CDK5RAP2: variants seen among roughly 807,000 people sequenced by gnomAD.
CDK5RAP2 encodes the protein CDK5 regulatory subunit associated protein 2.
A neutral mutation model predicts 232.9 loss-of-function variants in CDK5RAP2; 147 were observed. That is an observed-to-expected ratio of 0.63 (90% CI 0.55 to 0.72). The LOEUF (loss-of-function observed/expected upper bound fraction) is 0.72. Among genes scored for constraint, CDK5RAP2 ranks in the 30% least tolerant of loss-of-function variants. The probability of loss-of-function intolerance (pLI) is 0.00; values close to 1 mark genes in which losing one functional copy is unlikely to be tolerated. For missense variants in CDK5RAP2, 2,195 were observed against 2,231.5 expected (o/e 0.98, Z 0.33); for synonymous variants, 833 against 833.7 (o/e 1.00, Z 0.01).
At chr9:120,528,867 T>C in intron 8 of CDK5RAP2, 70 bp from the exon 9 acceptor site, 1 of 1,084,062 alleles carries the variant, frequency 9.2e-7, no homozygotes, top group Non-Finnish European at 1.4e-6. Flanking sequence ...ACAATTAGAA[T>C]GAGCACGTCC....
chr9:120,426,237 G>C (rs1447739099), intron 25 of CDK5RAP2, among the ~76,000 whole-genome samples: 1 of 152,226 alleles, frequency 6.6e-6, no homozygotes, highest in African/African-American at 2.4e-5. Context: ...CAGTTTTGGA[G>C]TTTATTTTGC....
In CDK5RAP2 at chr9:120,458,472, C is replaced by T; in HGVS notation, c.2353G>A (p.Ala785Thr). 2 of 1,614,156 alleles carry T rather than the reference C, an allele frequency of 1.2e-6. No individual in the cohort carries two copies. The highest frequency in any genetic ancestry group is 1.7e-6 in the Non-Finnish European group (2 of 1,180,016). ...NLLAPLFNEK[A>T]TLLLESRPDL... ...TACCTGGATTCCAGTAATAATGTGG[C>T]CTTCTCATTGAACAAAGGGGCAAGC... is the stretch of plus-strand genomic sequence containing the variant. The change falls in exon 20 of 38, where the codon GCC becomes ACC. Residue 785 changes from alanine to threonine, a missense_variant. Coordinates refer to ENST00000349780, the MANE Select transcript of CDK5RAP2 (RefSeq NM_018249.6).
rs749297817 is a variant in CDK5RAP2, at chr9:120,571,928, T to C, written c.127+46A>G. On this transcript the variant is annotated intron_variant, in intron 2 of 37. Transcript: ENST00000349780. ...AAGATGCTCACAGTCCAATGTCTAC[T>C]TTCCTTGTTCTTTACTCAAGAGAAT... is the stretch of plus-strand genomic sequence containing the variant. 4.7e-6 allele frequency: 7 copies of C among 1,477,196 alleles called. No individual in the cohort carries two copies. The Admixed American group carries it at 8.4e-5, about 18-fold the overall frequency. 91.5% of individuals were successfully genotyped at this position (1,477,196 alleles called of 1,614,324 possible).
At chr9:120,523,439 C>T (rs1376554953) in intron 11 of CDK5RAP2, among the ~76,000 whole-genome samples, 1 of 152,184 alleles carries the variant, frequency 6.6e-6, no homozygotes, top group Non-Finnish European at 1.5e-5. Context: ...AAAAGAGAAA[C>T]AGTCTAAAGT....
intron 20 of CDK5RAP2, among the ~76,000 whole-genome samples, chr9:120,457,983 T>G (rs999019289): frequency 6.6e-6 from 1 of 152,206 alleles, no homozygotes; most frequent in Non-Finnish European, 1.5e-5. Context: ...ATGTTTCTCC[T>G]TTTTTGTTTT....
At position 120,439,968 on chromosome 9, in the gene CDK5RAP2, A is replaced by G. The variant is rs988398993; in HGVS notation, c.3153T>C (p.Ser1051=). Residue 1051 remains serine, a synonymous_variant, in exon 24 of 38, where the codon TCT becomes TCC. Transcript: ENST00000349780. ...SDQQRSYEID[S]EICPPDDLAS... is the part of the protein sequence containing the mutation. ...CAAGGTCATCAGGTGGGCAAATCTCAGAGTCTGAAAATCAAATACACTTAT... is the reference window on the plus strand; with the variant it reads ...CAAGGTCATCAGGTGGGCAAATCTCGGAGTCTGAAAATCAAATACACTTAT... 1.2e-6 allele frequency: 2 copies of G among 1,612,756 alleles called. No homozygotes were observed. Among genetic ancestry groups the G allele is most frequent in the Non-Finnish European group, 1.7e-6 (2 of 1,179,414 alleles).
intron 11 of CDK5RAP2, 77 bp from the exon 12 acceptor site, chr9:120,518,722 T>A (rs753000066): frequency 3.4e-6 from 4 of 1,170,066 alleles, no homozygotes; most frequent in Non-Finnish European, 3.8e-6. Flanking sequence ...TGGGCTCTTT[T>A]TCGCCGTGGG....
intron 14 of CDK5RAP2, among the ~76,000 whole-genome samples, chr9:120,484,859 C>T (rs2038510233): frequency 6.6e-6 from 1 of 152,004 alleles, no homozygotes; most frequent in African/African-American, 2.4e-5. Flanking sequence ...GGACTATAGG[C>T]GTGCACCACT....
rs397937000 is a variant in CDK5RAP2 at position 120,435,502 on chromosome 9, C to CAT, written c.3955+1792_3955+1793insAT. 2.7e-5 allele frequency among the ~76,000 whole-genome samples: 4 copies of CAT among 150,626 alleles called. No individual in the cohort carries two copies. The East Asian group carries it at 5.9e-4, about 22-fold the overall frequency. On this transcript the variant is annotated intron_variant, in intron 25 of 37. Coordinates refer to ENST00000349780, the MANE Select transcript of CDK5RAP2 (RefSeq NM_018249.6). ...ACACACACACACACACACACACACACGCCTGCTAAAGGGCCTAGACACAAT... is the reference window on the plus strand; with the variant it reads ...ACACACACACACACACACACACACACATGCCTGCTAAAGGGCCTAGACACAAT...
chr9:120,451,802 T>A (rs181699154), intron 21 of CDK5RAP2, among the ~76,000 whole-genome samples: 81 of 150,726 alleles, frequency 5.4e-4, no homozygotes, highest in African/African-American at 1.9e-3. Flanking sequence ...AAGTAAAATG[T>A]AGGTAATACC....
At position 120,389,720 on chromosome 9, in the gene CDK5RAP2, GAA is replaced by G; in HGVS notation, c.5625+19_5625+20del. 6.2e-7 allele frequency: 1 copy of G among 1,613,126 alleles called. No homozygotes were observed. The highest frequency in any genetic ancestry group is 8.5e-7 in the Non-Finnish European group (1 of 1,179,050). ...TCCTGACCTTCCACTGGCCTGCAGT[GAA>G]AAGACTCAAAGGGCATACCTCCAGG... On this transcript the variant is annotated intron_variant, in intron 37 of 37. Coordinates refer to ENST00000349780, the MANE Select transcript of CDK5RAP2 (RefSeq NM_018249.6).
chr9:120,477,332 C>G lies in CDK5RAP2; in HGVS notation c.1727+18G>C, dbSNP rs769821066. The G allele has an allele frequency of 3.2e-6, 5 of 1,569,012 alleles. No homozygotes were observed. The highest frequency in any genetic ancestry group is 4.4e-6 in the Non-Finnish European group (5 of 1,140,176). On this transcript the variant is annotated intron_variant, in intron 15 of 37. Coordinates refer to ENST00000349780, the MANE Select transcript of CDK5RAP2 (RefSeq NM_018249.6). ...GTGTTCGCATTCACATGTGTGATGT[C>G]CAGACAGAAACGCTTACCTGTCTGA... is the stretch of plus-strand genomic sequence containing the variant.
intron 11 of CDK5RAP2, among the ~76,000 whole-genome samples, chr9:120,519,539 T>C (rs1374619287): frequency 1.3e-5 from 2 of 152,160 alleles, no homozygotes; most frequent in Non-Finnish European, 2.9e-5. Flanking sequence ...CAAAAGACTC[T>C]GTAAAAACCA....
intron 3 of CDK5RAP2, among the ~76,000 whole-genome samples, chr9:120,555,568 G>A (rs903956088): frequency 2.6e-5 from 4 of 152,190 alleles, no homozygotes; most frequent in African/African-American, 9.7e-5. Flanking sequence ...AATACCAAGT[G>A]CTGATGTAGA....
In CDK5RAP2 at chr9:120,545,760, G is replaced by C; in HGVS notation, c.337C>G (p.Leu113Val). 6.2e-7 allele frequency: 1 copy of C among 1,613,904 alleles called. No individual in the cohort carries two copies. The highest frequency in any genetic ancestry group is 8.5e-7 in the Non-Finnish European group (1 of 1,179,860). Residue 113 changes from leucine (L) to valine (V), a missense_variant, in exon 5 of 38, where the codon CTG becomes GTG. By Grantham distance (32) the Leu-to-Val change is conservative (BLOSUM62 1). Coordinates refer to ENST00000349780, the MANE Select transcript of CDK5RAP2 (RefSeq NM_018249.6). Reference protein sequence around the residue: ...NIELKVEVESLKRELQEREQL... With the variant: ...NIELKVEVESVKRELQEREQL... ...TCTCTCTCCTGGAGTTCCCGCTTCA[G>C]ACTTTCTACTTCCACCTTGAGCTCA...
intron 25 of CDK5RAP2, among the ~76,000 whole-genome samples, chr9:120,430,296 A>C (rs1490530390): frequency 6.6e-6 from 1 of 152,226 alleles, no homozygotes; most frequent in Non-Finnish European, 1.5e-5. Flanking sequence ...CTGCACAGCT[A>C]AAGAAACTAC....
At chr9:120,563,102 T>C (rs567019755) in intron 3 of CDK5RAP2, among the ~76,000 whole-genome samples, 87 of 152,056 alleles carry the variant, frequency 5.7e-4, no homozygotes, top group Non-Finnish European at 1.0e-3. Flanking sequence ...GACAGAATCA[T>C]GAGTTGAGAA....
chr9:120,469,880 T>C (rs750528854), intron 17 of CDK5RAP2, among the ~76,000 whole-genome samples: 2 of 152,036 alleles, frequency 1.3e-5, no homozygotes, highest in African/African-American at 4.8e-5. Flanking sequence ...GCCAGAGAGC[T>C]TTTCCTCAAG....
At chr9:120,556,196 C>G (rs1289300700) in intron 3 of CDK5RAP2, among the ~76,000 whole-genome samples, 1 of 152,108 alleles carries the variant, frequency 6.6e-6, no homozygotes, top group Admixed American at 6.5e-5. Context: ...ATAGTGATTA[C>G]AAGGGAATAT....
Sources: gnomAD v4.1 joint callset for allele counts (sites outside exome capture counted in the v4.1 genomes callset) on GRCh38, gnomAD v4.1.1 for gene constraint, MANE v1.5 for transcripts, NCBI Gene and HGNC (gene_info 2026-07-23, HGNC 2026-07-21) for gene names.